BTBD9: variants seen among roughly 807,000 people sequenced by gnomAD.
BTBD9 encodes the protein BTB domain containing 9, also known as BTB/POZ domain-containing protein 9.
BTBD9 carries 49 observed loss-of-function variants against 64.3 expected under a neutral mutation model. That is an observed-to-expected ratio of 0.76 (90% CI 0.61 to 0.97). BTBD9 has a LOEUF of 0.97. BTBD9 is among the 50% of genes least tolerant of loss of function. BTBD9 has a pLI of 0.00. For synonymous variants in BTBD9, 260 were observed against 274.7 expected (o/e 0.95, Z 0.53); for missense variants, 598 against 762.1 (o/e 0.78, Z 2.53).
chr6:38,485,210 T>C (rs1483755118), intron 6 of BTBD9, among the ~76,000 whole-genome samples: 6 of 152,200 alleles, frequency 3.9e-5, no homozygotes, highest in African/African-American at 1.4e-4. Flanking sequence ...CCTCAACCAT[T>C]AAAGTTTGCA....
intron 6 of BTBD9, among the ~76,000 whole-genome samples, chr6:38,505,289 G>A (rs529159290): frequency 8.1e-4 from 123 of 152,136 alleles, no homozygotes; most frequent in African/African-American, 1.2e-3. Context: ...TAATTTCCAC[G>A]TGTCTACATT....
intron 7 of BTBD9, among the ~76,000 whole-genome samples, chr6:38,298,868 T>A (rs911593262): frequency 4.0e-5 from 6 of 150,062 alleles, no homozygotes; most frequent in East Asian, 1.9e-4. Flanking sequence ...TTTTTTTTTT[T>A]AATATACTTT....
chr6:38,595,824 CAG>C, intron 2 of BTBD9: 1 of 985,274 alleles, frequency 1.0e-6, no homozygotes, highest in Non-Finnish European at 1.2e-6. Context: ...TCCATTAATC[CAG>C]AGAGCATCCA....
chr6:38,515,054 T>C (rs1442340640), intron 6 of BTBD9, among the ~76,000 whole-genome samples: 1 of 152,222 alleles, frequency 6.6e-6, no homozygotes, highest in East Asian at 1.9e-4. Flanking sequence ...CTAAAGTATT[T>C]GGGAAATACA....
intron 6 of BTBD9, among the ~76,000 whole-genome samples, chr6:38,513,738 T>C (rs951627778): frequency 1.3e-5 from 2 of 152,168 alleles, no homozygotes; most frequent in African/African-American, 4.8e-5. Context: ...AAAGTACCAA[T>C]GCCATGACTA....
intron 6 of BTBD9, among the ~76,000 whole-genome samples, chr6:38,525,649 C>T (rs2127424038): frequency 6.6e-6 from 1 of 152,236 alleles, no homozygotes; most frequent in South Asian, 2.1e-4. Context: ...GAGGTGGTCT[C>T]AGATGGAGAT....
At chr6:38,243,610 G>A (rs564310209) in intron 9 of BTBD9, among the ~76,000 whole-genome samples, 1 of 152,326 alleles carries the variant, frequency 6.6e-6, no homozygotes, top group Non-Finnish European at 1.5e-5. Flanking sequence ...CTGAATGACT[G>A]TGGAGGGCAA....
intron 7 of BTBD9, among the ~76,000 whole-genome samples, chr6:38,292,022 C>T (rs1204784091): frequency 6.6e-6 from 1 of 151,180 alleles, no homozygotes; most frequent in Non-Finnish European, 1.5e-5. Context: ...AGTGCAGTAG[C>T]GAAATCTCAG....
intron 4 of BTBD9, among the ~76,000 whole-genome samples, chr6:38,588,894 C>T (rs557923019): frequency 1.3e-5 from 2 of 152,132 alleles, no homozygotes; most frequent in Admixed American, 6.5e-5. Context: ...TTTTAGAATA[C>T]GACTAGATGT....
intron 6 of BTBD9, among the ~76,000 whole-genome samples, chr6:38,515,394 T>C (rs1772977304): frequency 6.6e-6 from 1 of 152,164 alleles, no homozygotes. Flanking sequence ...GGGTGGTAAA[T>C]AAGCGAATTT....
At chr6:38,461,500 T>A (rs1302811334) in intron 6 of BTBD9, among the ~76,000 whole-genome samples, 1 of 152,218 alleles carries the variant, frequency 6.6e-6, no homozygotes, top group East Asian at 1.9e-4. Flanking sequence ...GGATCAATAG[T>A]TCATTCTTTA....
chr6:38,440,281 C>T (rs980123761), intron 6 of BTBD9, among the ~76,000 whole-genome samples: 4 of 152,110 alleles, frequency 2.6e-5, no homozygotes, highest in African/African-American at 7.2e-5. Context: ...AAGGAGGAAC[C>T]GGCAAAACGC....
intron 7 of BTBD9, among the ~76,000 whole-genome samples, chr6:38,299,209 G>C (rs1343732951): frequency 4.6e-5 from 7 of 152,180 alleles, no homozygotes; most frequent in Non-Finnish European, 8.8e-5. Context: ...TGGCTGCATA[G>C]TATTCCATGG....
intron 1 of BTBD9, among the ~76,000 whole-genome samples, chr6:38,629,166 T>C (rs1778277455): frequency 6.6e-6 from 1 of 152,178 alleles, no homozygotes; most frequent in Non-Finnish European, 1.5e-5. Flanking sequence ...AAAGGAGTGA[T>C]GGAATTAGGA....
rs755391748 is a variant in BTBD9 at position 38,580,415 on chromosome 6, A to G, written c.837T>C (p.Thr279=). The change falls in exon 5 of 11, where the codon ACT becomes ACC. Residue 279 remains threonine (T), a synonymous_variant. Coordinates refer to ENST00000481247, the MANE Select transcript of BTBD9 (RefSeq NM_001099272.2). The part of the protein sequence containing the change: ...GMLIPEENIA[T]MKYGAQVVKG... ...TTACAACTTGGGCTCCATACTTCATAGTTGCAATGTTTTCTTCTGGTACTA... is the reference window on the plus strand; with the variant it reads ...TTACAACTTGGGCTCCATACTTCATGGTTGCAATGTTTTCTTCTGGTACTA... 20 of 1,614,026 alleles carry G rather than the reference A, an allele frequency of 1.2e-5. No homozygotes were observed. The South Asian group carries it at 1.4e-4, about 12-fold the overall frequency.
intron 6 of BTBD9, among the ~76,000 whole-genome samples, chr6:38,436,444 C>T (rs1582427428): frequency 6.9e-6 from 1 of 144,594 alleles, no homozygotes; most frequent in Non-Finnish European, 1.5e-5. Flanking sequence ...GGCACGATCT[C>T]GGCTCACTGC....
At chr6:38,523,343 A>C (rs1773351314) in intron 6 of BTBD9, among the ~76,000 whole-genome samples, 1 of 152,194 alleles carries the variant, frequency 6.6e-6, no homozygotes, top group Non-Finnish European at 1.5e-5. Flanking sequence ...CGTCTCCACC[A>C]ATCTAGCAAT....
At chr6:38,240,424 C>T (rs1022072914) in intron 9 of BTBD9, among the ~76,000 whole-genome samples, 1 of 152,158 alleles carries the variant, frequency 6.6e-6, no homozygotes, top group Non-Finnish European at 1.5e-5. Context: ...AATATGTCCA[C>T]TAAATTAATG....
intron 4 of BTBD9, chr6:38,588,280 G>A: frequency 8.7e-7 from 1 of 1,144,420 alleles, no homozygotes; most frequent in Non-Finnish European, 1.3e-6. Context: ...CTGCTCAGCT[G>A]CCACACAGTA....
Sources: gnomAD v4.1 joint callset for allele counts (sites outside exome capture counted in the v4.1 genomes callset) on GRCh38, gnomAD v4.1.1 for gene constraint, MANE v1.5 for transcripts, NCBI Gene and HGNC (gene_info 2026-07-23, HGNC 2026-07-21) for gene names.